Variants in ESR2 observed in about 807,000 individuals in gnomAD.
ESR2 encodes estrogen receptor 2.
A neutral mutation model predicts 49.6 loss-of-function variants in ESR2; 36 were observed. That is an observed-to-expected ratio of 0.73 (90% CI 0.56 to 0.96). ESR2 has a LOEUF of 0.96. Among genes scored for constraint, ESR2 ranks in the 40% least tolerant of loss-of-function variants. ESR2 has a pLI of 0.00. For synonymous variants in ESR2, 320 were observed against 266.1 expected (o/e 1.20, Z -1.97); for missense variants, 714 against 693.0 (o/e 1.03, Z -0.34).
chr14:64,286,267 A>T (rs576087547), intron 1 of ESR2, among the ~76,000 whole-genome samples: 199 of 152,310 alleles, frequency 1.3e-3, no homozygotes, highest in Middle Eastern at 3.4e-3. Context: ...TTTTATTTTA[A>T]TACTATATGT....
At chr14:64,237,851 T>C (rs2075638329) in intron 7 of ESR2, among the ~76,000 whole-genome samples, 1 of 151,998 alleles carries the variant, frequency 6.6e-6, no homozygotes, top group Non-Finnish European at 1.5e-5. Flanking sequence ...GAAAAGCAAA[T>C]TAGTGGTTGC....
In ESR2 at chr14:64,260,501, C is replaced by T; in HGVS notation, c.900G>A (p.Lys300=). The T allele has an allele frequency of 6.5e-7, 1 of 1,536,744 alleles. No homozygotes were observed. The highest frequency in any genetic ancestry group is 2.3e-5 in the East Asian group (1 of 44,030). The change falls in exon 5 of 9, where the codon AAG becomes AAA. Residue 300 remains lysine (K), a synonymous_variant. Transcript: ENST00000341099. ...TGTGTACCAACTCCTTGTCGGCCAA[C>T]TTGGTCAGGGACATCATCATGGAGG... ...TEASMMMSLT[K]LADKELVHMI...
rs945938939 is a variant in ESR2 at position 64,322,732 on chromosome 14, C to T, written c.-91+15166G>A. Reference sequence around the variant, plus strand: ...TTTGCAAATAGTAATCTGACAATGGCTATTAGAATTTAAAATACGCACTGT... The same window carrying T: ...TTTGCAAATAGTAATCTGACAATGGTTATTAGAATTTAAAATACGCACTGT... On this transcript the variant is annotated intron_variant, in intron 1 of 8. Coordinates refer to the ESR2 transcript ENST00000358599. Among the ~76,000 whole-genome samples the T allele has an allele frequency of 5.9e-5, 9 of 152,038 alleles. No individual in the cohort carries two copies. In the East Asian group the frequency reaches 1.5e-3, roughly 26 times the overall value.
chr14:64,253,795 C>T (rs181661057), intron 6 of ESR2, among the ~76,000 whole-genome samples: 76 of 152,156 alleles, frequency 5.0e-4, no homozygotes, highest in Non-Finnish European at 9.4e-4. Flanking sequence ...AAACTCAAGA[C>T]ATTTATACAT....
Position 64,323,731 on chromosome 14 carries a change from G to A in ESR2, c.-91+14167C>T, listed in dbSNP as rs559177701. Among the ~76,000 whole-genome samples the A allele has an allele frequency of 2.6e-3, 403 of 152,076 alleles. 1 individual carries two copies. The highest frequency in any genetic ancestry group is 4.6e-3 in the Non-Finnish European group (312 of 67,982). On this transcript the variant is annotated intron_variant, in intron 1 of 8. Coordinates refer to the ESR2 transcript ENST00000358599. ...TTTTGAGATGGAGTCTTGCTCTGTC[G>A]CCTAAGCTGGAGTGCAGTGGCACGA...
chr14:64,252,323 A>AC lies in ESR2; in HGVS notation c.1092-2645dup, dbSNP rs1567745121. Among the ~76,000 whole-genome samples the AC allele has an allele frequency of 4.6e-5, 7 of 151,984 alleles. 1 individual carries two copies. Among genetic ancestry groups the AC allele is most frequent in the African/African-American group, 1.7e-4 (7 of 41,454 alleles). The stretch of plus-strand genomic sequence containing the variant: ...CGGGACCGTCTCTAAAAAAAAAAAA[A>AC]CAAAAACAAAAACAGGGCATATGAT... On this transcript the variant is annotated intron_variant, in intron 6 of 8. Transcript: ENST00000341099.
rs2075953338 is a variant in ESR2 at position 64,249,778 on chromosome 14, T to C, written c.1092-99A>G. The C allele has an allele frequency of 3.2e-6, 4 of 1,238,992 alleles. No homozygotes were observed. In the East Asian group the frequency reaches 9.5e-5, roughly 30 times the overall value. The allele number at this position is 1,238,992 out of a possible 1,614,324, so 76.7% of individuals were successfully genotyped here. Reference sequence around the variant, plus strand: ...ATTTTTAATCTCAAGTTTCATCTTGTAACATGTTCATCTGATAATATCATT... The same window carrying C: ...ATTTTTAATCTCAAGTTTCATCTTGCAACATGTTCATCTGATAATATCATT... On this transcript the variant is annotated intron_variant, in intron 6 of 8. Transcript: ENST00000341099.
chr14:64,249,987 C>T (rs1697493338), intron 6 of ESR2, among the ~76,000 whole-genome samples: 1 of 152,178 alleles, frequency 6.6e-6, no homozygotes, highest in Non-Finnish European at 1.5e-5. Flanking sequence ...TGTTTTCTTA[C>T]AGCAATACCA....
intron 1 of ESR2, 65 bp from the exon 2 acceptor site, chr14:64,283,140 T>C: frequency 1.6e-6 from 1 of 614,520 alleles, no homozygotes; most frequent in Non-Finnish European, 2.7e-6. Flanking sequence ...AAAATTTAAA[T>C]ATTTTCATTA....
intron 4 of ESR2, among the ~76,000 whole-genome samples, chr14:64,266,554 ACACACATACT>A (rs1277418764): frequency 6.6e-6 from 1 of 152,252 alleles, no homozygotes; most frequent in Non-Finnish European, 1.5e-5. Context: ...TTTTAAACAC[ACACACATACT>A]CACTTTAAAA....
intron 1 of ESR2, among the ~76,000 whole-genome samples, chr14:64,302,041 A>C (rs1300782800): frequency 6.6e-6 from 1 of 152,116 alleles, no homozygotes; most frequent in Non-Finnish European, 1.5e-5. Flanking sequence ...AGCAGGCCCA[A>C]TTGTGAAGTT....
chr14:64,257,195 C>A, intron 6 of ESR2, 31 bp downstream of exon 6: 1 of 1,607,944 alleles, frequency 6.2e-7, no homozygotes, highest in South Asian at 1.1e-5. Flanking sequence ...TCAAACAAGT[C>A]AGAGAAGAAA....
At chr14:64,273,715 T>A (rs901036896) in intron 3 of ESR2, among the ~76,000 whole-genome samples, 3 of 152,188 alleles carry the variant, frequency 2.0e-5, no homozygotes, top group Non-Finnish European at 2.9e-5. Flanking sequence ...TATTGAGGAT[T>A]TTTACATCAA....
At chr14:64,254,717 C>T (rs1035349566) in intron 6 of ESR2, among the ~76,000 whole-genome samples, 1 of 151,562 alleles carries the variant, frequency 6.6e-6, no homozygotes, top group African/African-American at 2.4e-5. Flanking sequence ...GAGATCATGC[C>T]ATCGTATTCC....
intron 1 of ESR2, among the ~76,000 whole-genome samples, chr14:64,311,811 TA>T (rs200668548): frequency 7.4e-5 from 11 of 149,258 alleles, no homozygotes; most frequent in African/African-American, 2.5e-4. Flanking sequence ...ACCCCATCTC[TA>T]AAAAAAAACA....
intron 1 of ESR2, among the ~76,000 whole-genome samples, chr14:64,293,714 C>A (rs1437134052): frequency 6.6e-6 from 1 of 152,226 alleles, no homozygotes; most frequent in Non-Finnish European, 1.5e-5. Context: ...AAAGTGTATT[C>A]AACTCCATTG....
intron 7 of ESR2, among the ~76,000 whole-genome samples, chr14:64,236,342 T>G (rs559175567): frequency 6.6e-6 from 1 of 152,276 alleles, no homozygotes. Flanking sequence ...CCACATTGGT[T>G]CTTCCAGAAT....
intron 1 of ESR2, chr14:64,337,570 T>C (rs1443724534): frequency 3.9e-5 from 6 of 152,218 alleles, no homozygotes; most frequent in East Asian, 1.9e-4. Context: ...CACGATTCCT[T>C]AATTCTATTA....
chr14:64,301,902 C>T (rs560553861), intron 1 of ESR2, among the ~76,000 whole-genome samples: 11 of 152,226 alleles, frequency 7.2e-5, no homozygotes, highest in Admixed American at 7.2e-4. Context: ...GTACAGAAGC[C>T]TTGGCCTAAG....
Sources: allele counts gnomAD v4.1 joint callset (sites outside exome capture counted in the v4.1 genomes callset), GRCh38; gene constraint gnomAD v4.1.1; transcripts MANE v1.5; gene names NCBI Gene and HGNC (gene_info 2026-07-23, HGNC 2026-07-21).